Variants in DACH2 observed in about 807,000 individuals in gnomAD.
DACH2 encodes the protein dachshund family transcription factor 2.
Under a neutral mutation model 35.8 loss-of-function variants are expected in DACH2, and 17 were observed. The ratio of observed to expected loss-of-function variants is 0.48; its 90% CI spans 0.33 to 0.71. DACH2 has a LOEUF of 0.71. Among genes scored for constraint, DACH2 ranks in the 30% least tolerant of loss-of-function variants. The pLI is 0.02. For synonymous variants in DACH2, 195 were observed against 177.3 expected, an observed-to-expected ratio of 1.10 and a Z score of -0.79; for missense variants, 469 against 472.7, an observed-to-expected ratio of 0.99 and a Z score of 0.07.
intron 3 of DACH2, among the ~76,000 whole-genome samples, chrX:86,553,955 T>C (rs2039083562): frequency 9.0e-6 from 1 of 111,529 alleles, no homozygotes; most frequent in Admixed American, 9.6e-5. Context: ...CAGTGACTGC[T>C]CAGGATAATT....
rs1384482772 is a variant in DACH2 at position 86,586,201 on chromosome X, CCT to C, written c.641-64834_641-64833del. On this transcript the variant is annotated intron_variant, in intron 3 of 11. Transcript: ENST00000373125. ...TTTTTTCATATGCTTGTTGGCCACA[CCT>C]ATGTCTTCTTTTGAAAAATGTCTGT... Among the ~76,000 whole-genome samples the C allele has an allele frequency of 2.7e-5, 3 of 111,015 alleles. No homozygotes were observed. In the East Asian group the frequency reaches 8.5e-4, roughly 32 times the overall value.
chrX:86,694,170 G>A (rs1352858899), intron 4 of DACH2, among the ~76,000 whole-genome samples: 1 of 111,344 alleles, frequency 9.0e-6, no homozygotes, highest in Non-Finnish European at 1.9e-5. Flanking sequence ...AATGAATGAA[G>A]CACATCAAGC....
At chrX:86,734,783 T>A (rs201878665) in intron 6 of DACH2, among the ~76,000 whole-genome samples, 1 of 34,520 alleles carries the variant, frequency 2.9e-5, no homozygotes, top group Admixed American at 4.8e-4. Context: ...AATGAGCAAA[T>A]TTTTTATTTT....
intron 3 of DACH2, among the ~76,000 whole-genome samples, chrX:86,562,091 T>C (rs983963595): frequency 9.1e-6 from 1 of 110,002 alleles, no homozygotes; most frequent in African/African-American, 3.3e-5. Context: ...CACATACTTC[T>C]TTTTTTATTC....
chrX:86,662,579 C>T (rs1602752404), intron 4 of DACH2, among the ~76,000 whole-genome samples: 1 of 106,965 alleles, frequency 9.3e-6, no homozygotes, highest in Admixed American at 1.0e-4. Context: ...GGTGACAGAG[C>T]GAGACTCCGT....
chrX:86,399,660 G>T (rs1469898957), intron 2 of DACH2, among the ~76,000 whole-genome samples: 2 of 111,407 alleles, frequency 1.8e-5, no homozygotes, highest in Admixed American at 9.5e-5. Flanking sequence ...GGCTGGATAT[G>T]AAATTCTGGG....
intron 2 of DACH2, among the ~76,000 whole-genome samples, chrX:86,475,848 G>A (rs763919069): frequency 9.0e-6 from 1 of 111,248 alleles, no homozygotes; most frequent in East Asian, 2.8e-4. Context: ...ATTATGTTGA[G>A]GTATGTTCCT....
At chrX:86,258,987 TCTTTC>T (rs2033576194) in intron 1 of DACH2, among the ~76,000 whole-genome samples, 1 of 111,998 alleles carries the variant, frequency 8.9e-6, no homozygotes, top group Non-Finnish European at 1.9e-5. Flanking sequence ...CTTTTGGGAT[TCTTTC>T]CTTTTCTTTA....
At chrX:86,583,371 G>A (rs1386346118) in intron 3 of DACH2, among the ~76,000 whole-genome samples, 1 of 109,794 alleles carries the variant, frequency 9.1e-6, no homozygotes, top group Non-Finnish European at 1.9e-5. Context: ...GAGCCATCAG[G>A]CAAGAAAAAA....
intron 3 of DACH2, among the ~76,000 whole-genome samples, chrX:86,601,624 AAC>A (rs754041263): frequency 1.6e-4 from 18 of 112,224 alleles, no homozygotes; most frequent in Non-Finnish European, 3.0e-4. Context: ...CATTTTTGAA[AAC>A]ACAAATATAA....
chrX:86,420,761 T>C (rs755022744), intron 2 of DACH2, among the ~76,000 whole-genome samples: 56 of 111,436 alleles, frequency 5.0e-4, no homozygotes, highest in Non-Finnish European at 7.5e-4. Context: ...ATTGTAAACG[T>C]TTAAAGTTAT....
chrX:86,253,265 A>G (rs1602325557), intron 1 of DACH2, among the ~76,000 whole-genome samples: 1 of 111,764 alleles, frequency 8.9e-6, no homozygotes, highest in Non-Finnish European at 1.9e-5. Flanking sequence ...CAGTGCTGAA[A>G]GAAATCATAG....
At chrX:86,455,821 C>T (rs958300742) in intron 2 of DACH2, among the ~76,000 whole-genome samples, 26 of 112,149 alleles carry the variant, frequency 2.3e-4, no homozygotes, top group African/African-American at 8.1e-4. Context: ...TGCTTGGCTC[C>T]CTGGATTCAG....
intron 2 of DACH2, among the ~76,000 whole-genome samples, chrX:86,485,307 T>C (rs1191382338): frequency 2.7e-5 from 3 of 111,452 alleles, no homozygotes; most frequent in Non-Finnish European, 3.8e-5. Flanking sequence ...CTCACTCATA[T>C]ATGGAGTCTA....
At chrX:86,223,697 C>T (rs977410228) in intron 1 of DACH2, among the ~76,000 whole-genome samples, 5 of 111,843 alleles carry the variant, frequency 4.5e-5, no homozygotes, top group African/African-American at 1.6e-4. Flanking sequence ...CATAGATCAT[C>T]CTGACAAATT....
intron 2 of DACH2, among the ~76,000 whole-genome samples, chrX:86,498,197 G>C (rs1474174974): frequency 1.0e-5 from 1 of 100,128 alleles, no homozygotes; most frequent in Admixed American, 1.0e-4. Flanking sequence ...TTATGGAAGG[G>C]ACTTAGGCCT....
intron 2 of DACH2, among the ~76,000 whole-genome samples, chrX:86,393,463 T>C (rs2036233820): frequency 8.9e-6 from 1 of 112,350 alleles, no homozygotes; most frequent in African/African-American, 3.2e-5. Context: ...AATGCTAAGA[T>C]AAACAAAGGT....
At chrX:86,806,955 C>T (rs12558286) in intron 7 of DACH2, among the ~76,000 whole-genome samples, 7,752 of 111,161 alleles carry the variant, frequency 0.07, 473 homozygotes, top group Admixed American at 0.27. Context: ...GCTTTGTGGG[C>T]GTTTTGCAAC....
intron 2 of DACH2, among the ~76,000 whole-genome samples, chrX:86,492,674 G>A (rs1250210532): frequency 9.0e-6 from 1 of 111,342 alleles, no homozygotes; most frequent in Non-Finnish European, 1.9e-5. Context: ...CTGATATTTA[G>A]CTCTCACTTA....
Sources: allele counts gnomAD v4.1 joint callset (sites outside exome capture counted in the v4.1 genomes callset), GRCh38; gene constraint gnomAD v4.1.1; transcripts MANE v1.5; gene names NCBI Gene and HGNC (gene_info 2026-07-23, HGNC 2026-07-21).